The following MYBPC1 variants were observed in gnomAD, a reference collection of about 807,000 sequenced individuals.
MYBPC1 encodes myosin binding protein C1.
MYBPC1 carries 52 observed loss-of-function variants against 147.1 expected under a neutral mutation model. The ratio of observed to expected loss-of-function variants is 0.35; its 90% confidence interval spans 0.28 to 0.45. The LOEUF (loss-of-function observed/expected upper bound fraction) is 0.45, where lower values mean the gene tolerates loss of function less well. MYBPC1 is among the 20% of genes least tolerant of loss of function. The pLI is 1.00. For missense variants in MYBPC1, 1,228 were observed against 1,440.3 expected (o/e 0.85, Z 2.39); for synonymous variants, 477 against 475.9 (o/e 1.00, Z -0.03).
intron 28 of MYBPC1, among the ~76,000 whole-genome samples, chr12:101,678,465 C>G (rs1295453637): frequency 6.6e-6 from 1 of 152,186 alleles, no homozygotes; most frequent in Non-Finnish European, 1.5e-5. Context: ...AGCAAACCAC[C>G]TATTTAAAAA....
intron 22 of MYBPC1, 106 bp downstream of exon 22, chr12:101,663,666 A>G: frequency 7.7e-7 from 1 of 1,298,876 alleles, no homozygotes; most frequent in Non-Finnish European, 1.1e-6. Context: ...CTTCCTACGA[A>G]AATAAGATCA....
chr12:101,621,153 G>T (rs2135919400), intron 3 of MYBPC1, among the ~76,000 whole-genome samples: 1 of 152,228 alleles, frequency 6.6e-6, no homozygotes, highest in East Asian at 1.9e-4. Context: ...AAATATTTTT[G>T]TACGATTTAC....
chr12:101,654,922 C>T (rs1265073585), intron 18 of MYBPC1, among the ~76,000 whole-genome samples: 8 of 152,094 alleles, frequency 5.3e-5, no homozygotes, highest in Non-Finnish European at 1.2e-4. Flanking sequence ...AATCAATTTC[C>T]AAATAATTTA....
chr12:101,683,363 G>A (rs73388502), intron 30 of MYBPC1, among the ~76,000 whole-genome samples: 1,673 of 152,218 alleles, frequency 0.011, 19 homozygotes, highest in African/African-American at 0.037. Context: ...CTGGAAGGTC[G>A]AGGAGGCTTC....
At chr12:101,655,499 C>T (rs1895391209) in intron 18 of MYBPC1, among the ~76,000 whole-genome samples, 1 of 152,134 alleles carries the variant, frequency 6.6e-6, no homozygotes, top group African/African-American at 2.4e-5. Flanking sequence ...GGCATGTAAT[C>T]AGCTTAGAAG....
At chr12:101,672,739 C>T (rs1247490800) in intron 24 of MYBPC1, among the ~76,000 whole-genome samples, 2 of 151,988 alleles carry the variant, frequency 1.3e-5, no homozygotes, top group Non-Finnish European at 2.9e-5. Flanking sequence ...AACCCAAGTA[C>T]TTGGGAGGGT....
chr12:101,662,556 G>C lies in MYBPC1; in HGVS notation c.2221+10G>C. 6.2e-7 allele frequency: 1 copy of C among 1,613,438 alleles called. No homozygotes were observed. The stretch of plus-strand genomic sequence containing the variant: ...CCTTTTGTTCCTTTGGGTAAGTCAA[G>C]AGAGATGAGTCTTTGTCATCAGAAT... On this transcript the variant is annotated intron_variant, in intron 21 of 31. Transcript: ENST00000361466.
intron 21 of MYBPC1, among the ~76,000 whole-genome samples, chr12:101,662,857 C>T (rs1896800851): frequency 6.6e-6 from 1 of 152,112 alleles, no homozygotes; most frequent in South Asian, 2.1e-4. Context: ...TTTCCATTTG[C>T]CCTTCTGAAG....
At chr12:101,651,995 A>C (rs982644138) in intron 16 of MYBPC1, among the ~76,000 whole-genome samples, 3 of 152,324 alleles carry the variant, frequency 2.0e-5, no homozygotes, top group African/African-American at 7.2e-5. Flanking sequence ...TGAGGACCTG[A>C]TCAAATGGAT....
intron 25 of MYBPC1, 31 bp from the exon 26 acceptor site, chr12:101,675,261 C>T: frequency 6.2e-7 from 1 of 1,613,462 alleles, no homozygotes; most frequent in Non-Finnish European, 8.5e-7. Context: ...AGAAAGTGAC[C>T]TTGCAGTGAC....
chr12:101,662,624 G>A, intron 21 of MYBPC1, 78 bp downstream of exon 21: 7 of 1,507,742 alleles, frequency 4.6e-6, no homozygotes, highest in Non-Finnish European at 6.4e-6. Context: ...ATCCCTAACT[G>A]GAACAGGCCT....
intron 22 of MYBPC1, chr12:101,664,318 T>G (rs1897075607): frequency 6.6e-6 from 1 of 152,248 alleles, no homozygotes; most frequent in African/African-American, 2.4e-5. Flanking sequence ...GTTTCTTATT[T>G]GCCATAACTA....
chr12:101,651,865 G>C (rs1236786383), intron 16 of MYBPC1, among the ~76,000 whole-genome samples: 4 of 152,106 alleles, frequency 2.6e-5, no homozygotes, highest in African/African-American at 9.7e-5. Flanking sequence ...ACCCAGTAGG[G>C]GGAGGTTGAA....
chr12:101,643,323 G>GT (rs142841573), intron 11 of MYBPC1, among the ~76,000 whole-genome samples: 12 of 151,810 alleles, frequency 7.9e-5, no homozygotes, highest in South Asian at 2.1e-4. Context: ...ATGTAGTAGG[G>GT]TTTTTTTTAG....
Position 101,659,773 on chromosome 12 carries a change from C to T in MYBPC1, c.1869C>T (p.His623=), listed in dbSNP as rs1896211218. 6.2e-7 allele frequency: 1 copy of T among 1,614,122 alleles called. No homozygotes were observed. The highest frequency in any genetic ancestry group is 8.5e-7 in the Non-Finnish European group (1 of 1,179,990). Residue 623 remains histidine, a synonymous_variant, in exon 19 of 32, where the codon CAC becomes CAT. Transcript: ENST00000361466. The part of the protein sequence containing the change: ...IAERDDSGVY[H]INLKNEAGEA... Reference sequence around the variant, plus strand: ...AAAGAGATGACTCTGGTGTTTACCACATCAATCTGAAAAACGAAGCTGGAG... The same window carrying T: ...AAAGAGATGACTCTGGTGTTTACCATATCAATCTGAAAAACGAAGCTGGAG...
rs753374083 is a variant in MYBPC1, at chr12:101,659,707, A to G, written c.1803A>G (p.Glu601=). The G allele has an allele frequency of 1.2e-6, 2 of 1,614,134 alleles. No individual in the cohort carries two copies. Among genetic ancestry groups the G allele is most frequent in the Admixed American group, 3.3e-5 (2 of 60,028 alleles). The part of the protein sequence containing the change: ...IMEGSGRIRT[E]SYPDSSTLVI... ...AAGGCAGTGGCCGGATAAGAACAGA[A>G]TCTTACCCTGATAGCAGCACTCTGG... is the stretch of plus-strand genomic sequence containing the variant. The change falls in exon 19 of 32, where the codon GAA becomes GAG. Residue 601 remains glutamate, a synonymous_variant. Transcript: ENST00000361466.
intron 11 of MYBPC1, 109 bp from the exon 12 acceptor site, chr12:101,644,555 A>G: frequency 2.9e-6 from 3 of 1,037,106 alleles, no homozygotes; most frequent in Non-Finnish European, 4.4e-6. Flanking sequence ...TTTTTTCTTG[A>G]GATTCATTTT....
chr12:101,605,919 G>A (rs1881962884), intron 1 of MYBPC1, among the ~76,000 whole-genome samples: 1 of 152,002 alleles, frequency 6.6e-6, no homozygotes, highest in Admixed American at 6.6e-5. Context: ...ATACAGCCAA[G>A]TGTGGTGACT....
intron 1 of MYBPC1, among the ~76,000 whole-genome samples, 165 bp from the exon 2 acceptor site, chr12:101,614,325 TGAGAGA>T (rs1024538361): frequency 1.4e-5 from 2 of 140,110 alleles, no homozygotes; most frequent in African/African-American, 5.3e-5. Flanking sequence ...TGTGTGTGTG[TGAGAGA>T]GAGAGAGAGA....
Sources: allele counts gnomAD v4.1 joint callset (sites outside exome capture counted in the v4.1 genomes callset), GRCh38; gene constraint gnomAD v4.1.1; transcripts MANE v1.5; gene names NCBI Gene and HGNC (gene_info 2026-07-23, HGNC 2026-07-21).